ANO3: variants seen among roughly 807,000 people sequenced by gnomAD.
ANO3 encodes the protein anoctamin-3.
ANO3 carries 99 observed loss-of-function variants against 144.8 expected under a neutral mutation model. That is an observed-to-expected ratio of 0.68 (90% CI 0.58 to 0.81). The LOEUF is 0.81. ANO3 is among the 30% of genes least tolerant of loss of function. ANO3 has a pLI of 0.00. For synonymous variants in ANO3, 414 were observed against 392.6 expected (o/e 1.05, Z -0.64); for missense variants, 905 against 1,202.2 (o/e 0.75, Z 3.66).
At chr11:26,350,189 A>T (rs1855607573) in intron 1 of ANO3, among the ~76,000 whole-genome samples, 1 of 152,140 alleles carries the variant, frequency 6.6e-6, no homozygotes. Context: ...GAATTTCTTT[A>T]GGAGGACTGT....
At chr11:26,490,904 C>T (rs1367732377) in intron 4 of ANO3, among the ~76,000 whole-genome samples, 6 of 152,172 alleles carry the variant, frequency 3.9e-5, no homozygotes, top group East Asian at 3.9e-4. Flanking sequence ...GGCCTGTTGC[C>T]GAATCTGTTT....
chr11:26,407,007 GGTGTGTATATATATATAGGT>G (rs1230335054), intron 1 of ANO3, among the ~76,000 whole-genome samples: 1 of 126,616 alleles, frequency 7.9e-6, no homozygotes, highest in Non-Finnish European at 1.7e-5. Flanking sequence ...TATATATATA[GGTGTGTATATATATATAGGT>G]GTGTGTGTAT....
At chr11:26,629,936 C>A (rs766824114) in intron 18 of ANO3, among the ~76,000 whole-genome samples, 5 of 152,142 alleles carry the variant, frequency 3.3e-5, no homozygotes, top group Non-Finnish European at 5.9e-5. Flanking sequence ...AGGCCTAAAT[C>A]TGCTATATTT....
chr11:26,309,837 T>C (rs1854467795), intron 1 of ANO3: 1 of 260,008 alleles, frequency 3.8e-6, no homozygotes, highest in African/African-American at 2.3e-5. Context: ...TTTAGTCTCA[T>C]GTTAATAATT....
At chr11:26,555,122 A>G (rs1035645784) in intron 13 of ANO3, among the ~76,000 whole-genome samples, 3 of 152,176 alleles carry the variant, frequency 2.0e-5, no homozygotes, top group Non-Finnish European at 4.4e-5. Context: ...TTTCGTTTAT[A>G]CTTTAATTTC....
intron 14 of ANO3, among the ~76,000 whole-genome samples, chr11:26,596,535 C>G (rs1851634430): frequency 6.6e-6 from 1 of 152,152 alleles, no homozygotes; most frequent in Non-Finnish European, 1.5e-5. Context: ...TTGGGAGAGT[C>G]ACCAGGGCCA....
intron 1 of ANO3, chr11:26,208,153 C>G (rs1052319941): frequency 6.6e-6 from 1 of 152,178 alleles, no homozygotes; most frequent in Non-Finnish European, 1.5e-5. Context: ...CCCCCATGAC[C>G]TAATCACATG....
At chr11:26,305,766 T>C (rs535749422), upstream of ANO3, among the ~76,000 whole-genome samples, 55 of 152,326 alleles carry the variant, frequency 3.6e-4, no homozygotes, top group African/African-American at 1.3e-3. Flanking sequence ...GAAATTGATA[T>C]AGTTATACCC....
intron 1 of ANO3, among the ~76,000 whole-genome samples, chr11:26,425,590 C>T (rs1857896181): frequency 6.6e-6 from 1 of 151,642 alleles, no homozygotes; most frequent in African/African-American, 2.4e-5. Flanking sequence ...TTATTATGAC[C>T]CTGATTATAT....
chr11:26,458,989 A>T (rs1315510128), intron 3 of ANO3, among the ~76,000 whole-genome samples: 2 of 152,152 alleles, frequency 1.3e-5, no homozygotes, highest in Non-Finnish European at 2.9e-5. Flanking sequence ...GTATTTTAGA[A>T]ATAATGGTCA....
intron 1 of ANO3, among the ~76,000 whole-genome samples, chr11:26,242,321 A>G (rs1163691026): frequency 6.6e-6 from 1 of 152,078 alleles, no homozygotes; most frequent in Non-Finnish European, 1.5e-5. Context: ...TGTTTCATTT[A>G]TACTATTCCA....
At chr11:26,305,574 C>G (rs10834961), upstream of ANO3, among the ~76,000 whole-genome samples, 38,412 of 151,926 alleles carry the variant, frequency 0.25, 7,013 homozygotes, top group African/African-American at 0.52. Context: ...AAGTAGTCTG[C>G]AGAGACTTTT....
chr11:26,237,758 T>C (rs542966171), intron 1 of ANO3, among the ~76,000 whole-genome samples: 4 of 152,240 alleles, frequency 2.6e-5, no homozygotes, highest in Admixed American at 2.6e-4. Context: ...AAAAGTTATA[T>C]ATGCCAAATT....
chr11:26,241,215 C>A (rs574272240), intron 1 of ANO3, among the ~76,000 whole-genome samples: 2 of 152,110 alleles, frequency 1.3e-5, no homozygotes, highest in Non-Finnish European at 2.9e-5. Flanking sequence ...GCCCCAGCCA[C>A]GTGGAACTGT....
chr11:26,239,508 C>T, intron 1 of ANO3, among the ~76,000 whole-genome samples: 1 of 152,124 alleles, frequency 6.6e-6, no homozygotes, highest in East Asian at 1.9e-4. Context: ...CAGAGCAGCC[C>T]CTTCCAACAA....
chr11:26,645,090 T>G (rs1009744076), intron 23 of ANO3, among the ~76,000 whole-genome samples: 26 of 152,174 alleles, frequency 1.7e-4, no homozygotes, highest in African/African-American at 5.3e-4. Flanking sequence ...TAGATATGTC[T>G]GTTCTGTTTT....
At chr11:26,428,643 CAGTT>C (rs1384988044) in intron 1 of ANO3, among the ~76,000 whole-genome samples, 3 of 152,066 alleles carry the variant, frequency 2.0e-5, no homozygotes, top group African/African-American at 7.2e-5. Flanking sequence ...CCCGAGGAGT[CAGTT>C]AGGGAAGCAG....
intron 4 of ANO3, among the ~76,000 whole-genome samples, chr11:26,492,807 C>T (rs1041480035): frequency 6.6e-6 from 1 of 152,150 alleles, no homozygotes. Flanking sequence ...ATTTGTCCTA[C>T]TTTATGAATG....
intron 6 of ANO3, among the ~76,000 whole-genome samples, chr11:26,525,258 T>C (rs1214207926): frequency 6.6e-6 from 1 of 152,062 alleles, no homozygotes; most frequent in African/African-American, 2.4e-5. Context: ...GATGTATAGA[T>C]GGATGGACGG....
Sources: gnomAD v4.1 joint callset for allele counts (sites outside exome capture counted in the v4.1 genomes callset) on GRCh38, gnomAD v4.1.1 for gene constraint, MANE v1.5 for transcripts, NCBI Gene and HGNC (gene_info 2026-07-23, HGNC 2026-07-21) for gene names.